The following B3GALT1 variants were observed in gnomAD, a reference collection of about 807,000 sequenced individuals.
B3GALT1 encodes beta-1,3-galactosyltransferase 1.
B3GALT1 carries 10 observed loss-of-function variants against 23.2 expected under a neutral mutation model. The ratio of observed to expected loss-of-function variants is 0.43; its 90% CI spans 0.27 to 0.73. The LOEUF is 0.73. B3GALT1 is among the 30% of genes least tolerant of loss of function. The pLI is 0.21. For synonymous variants in B3GALT1, 156 were observed against 141.5 expected (o/e 1.10, Z -0.73); for missense variants, 299 against 405.4 (o/e 0.74, Z 2.25).
intron 4 of B3GALT1, among the ~76,000 whole-genome samples, chr2:167,828,228 A>T (rs1480777493): frequency 2.0e-5 from 3 of 152,210 alleles, no homozygotes; most frequent in Non-Finnish European, 4.4e-5. Context: ...AAAACGCCCT[A>T]TAATGTGAAA....
intron 2 of B3GALT1, among the ~76,000 whole-genome samples, chr2:167,551,867 A>C (rs547702861): frequency 3.3e-5 from 5 of 152,278 alleles, no homozygotes; most frequent in African/African-American, 1.2e-4. Context: ...CTGGGAGCAC[A>C]CTGGAGGGGG....
At chr2:167,700,815 T>C (rs575182863) in intron 3 of B3GALT1, among the ~76,000 whole-genome samples, 19 of 152,226 alleles carry the variant, frequency 1.2e-4, no homozygotes, top group Middle Eastern at 6.8e-3. Context: ...TGGGCCCAGA[T>C]TGACACTCAT....
At chr2:167,831,243 C>T (rs930800986) in intron 4 of B3GALT1, among the ~76,000 whole-genome samples, 1 of 152,220 alleles carries the variant, frequency 6.6e-6, no homozygotes, top group Non-Finnish European at 1.5e-5. Flanking sequence ...TAATTCAGCG[C>T]TCCCACAGTT....
At chr2:167,383,890 C>T (rs1040994324) in intron 1 of B3GALT1, among the ~76,000 whole-genome samples, 4 of 152,134 alleles carry the variant, frequency 2.6e-5, no homozygotes, top group African/African-American at 7.2e-5. Flanking sequence ...TTATGATTAA[C>T]GTTTTATATT....
intron 1 of B3GALT1, among the ~76,000 whole-genome samples, chr2:167,375,721 A>C (rs1697752578): frequency 6.6e-6 from 1 of 152,192 alleles, no homozygotes; most frequent in Non-Finnish European, 1.5e-5. Flanking sequence ...AGTGTTTATC[A>C]GTTCTAATAG....
chr2:167,397,443 C>G (rs889691914), intron 1 of B3GALT1, among the ~76,000 whole-genome samples: 1 of 151,980 alleles, frequency 6.6e-6, no homozygotes, highest in Non-Finnish European at 1.5e-5. Context: ...AATCTTCTTT[C>G]TCTCAACTCA....
chr2:167,404,755 C>T (rs1574065889), intron 1 of B3GALT1, among the ~76,000 whole-genome samples: 1 of 152,166 alleles, frequency 6.6e-6, no homozygotes, highest in African/African-American at 2.4e-5. Flanking sequence ...GTAATTTGTA[C>T]TGTGCTTAAA....
At chr2:167,567,279 C>T (rs1016715538) in intron 2 of B3GALT1, among the ~76,000 whole-genome samples, 5 of 151,976 alleles carry the variant, frequency 3.3e-5, no homozygotes, top group African/African-American at 1.2e-4. Flanking sequence ...GATGACAATA[C>T]CTGATTATAT....
chr2:167,634,559 A>G (rs1685514472), intron 2 of B3GALT1, among the ~76,000 whole-genome samples: 1 of 152,196 alleles, frequency 6.6e-6, no homozygotes, highest in Non-Finnish European at 1.5e-5. Context: ...CTATCAGAGA[A>G]TGCTATAAAC....
At chr2:167,808,320 T>G (rs1457920334) in intron 3 of B3GALT1, among the ~76,000 whole-genome samples, 1 of 151,570 alleles carries the variant, frequency 6.6e-6, no homozygotes, top group Non-Finnish European at 1.5e-5. Context: ...TTAATATTGT[T>G]ATGTGTGAAT....
At chr2:167,679,239 C>T (rs534320265) in intron 3 of B3GALT1, among the ~76,000 whole-genome samples, 1 of 152,244 alleles carries the variant, frequency 6.6e-6, no homozygotes, top group Non-Finnish European at 1.5e-5. Flanking sequence ...CTGCCTCAGC[C>T]TCCTGAGTAG....
intron 2 of B3GALT1, among the ~76,000 whole-genome samples, chr2:167,574,078 T>C (rs576579451): frequency 2.8e-4 from 42 of 151,736 alleles, no homozygotes; most frequent in Non-Finnish European, 5.3e-4. Flanking sequence ...ATTATTTTGT[T>C]TACAGAACTT....
intron 2 of B3GALT1, among the ~76,000 whole-genome samples, chr2:167,617,566 C>T (rs904302331): frequency 1.2e-4 from 19 of 152,012 alleles, no homozygotes; most frequent in Non-Finnish European, 5.9e-5. Context: ...ACTGAATTTT[C>T]TTGTTAATAT....
At chr2:167,339,047 G>A (rs1241853800) in intron 1 of B3GALT1, among the ~76,000 whole-genome samples, 1 of 152,108 alleles carries the variant, frequency 6.6e-6, no homozygotes, top group Non-Finnish European at 1.5e-5. Flanking sequence ...TTATCTTGGA[G>A]AACAGTTTGC....
At chr2:167,721,458 T>C (rs1687231614) in intron 3 of B3GALT1, among the ~76,000 whole-genome samples, 1 of 151,736 alleles carries the variant, frequency 6.6e-6, no homozygotes, top group Non-Finnish European at 1.5e-5. Flanking sequence ...ATAAGTTAGA[T>C]TTTTTTTTCC....
chr2:167,368,904 T>C (rs1559077237), intron 1 of B3GALT1, among the ~76,000 whole-genome samples: 1 of 151,634 alleles, frequency 6.6e-6, no homozygotes, highest in African/African-American at 2.4e-5. Context: ...CCCCCCCATG[T>C]GAGTATTCCT....
At chr2:167,672,220 G>A (rs899608728) in intron 3 of B3GALT1, among the ~76,000 whole-genome samples, 13 of 151,938 alleles carry the variant, frequency 8.6e-5, no homozygotes, top group South Asian at 2.1e-4. Context: ...CCCTCCTTAC[G>A]ATCCCCATCT....
At chr2:167,368,813 T>C (rs1697631833) in intron 1 of B3GALT1, among the ~76,000 whole-genome samples, 1 of 152,178 alleles carries the variant, frequency 6.6e-6, no homozygotes, top group Non-Finnish European at 1.5e-5. Flanking sequence ...CTCTTTTGAA[T>C]CTTAGGATCC....
intron 3 of B3GALT1, among the ~76,000 whole-genome samples, chr2:167,667,119 T>G (rs1257368527): frequency 1.3e-5 from 2 of 152,150 alleles, no homozygotes; most frequent in Non-Finnish European, 2.9e-5. Flanking sequence ...TAGCACTTCC[T>G]TCAGGAGCTC....
Sources: gnomAD v4.1 joint callset for allele counts (sites outside exome capture counted in the v4.1 genomes callset) on GRCh38, gnomAD v4.1.1 for gene constraint, MANE v1.5 for transcripts, NCBI Gene and HGNC (gene_info 2026-07-23, HGNC 2026-07-21) for gene names.